The following ARID4B variants were observed in gnomAD, a reference collection of about 807,000 sequenced individuals.
ARID4B encodes AT-rich interactive domain-containing protein 4B.
Under a neutral mutation model 147.5 loss-of-function variants are expected in ARID4B, and 26 were observed. The observed-to-expected ratio is 0.18, with a 90% CI of 0.13 to 0.24. The LOEUF is 0.24. Among genes scored for constraint, ARID4B ranks in the 10% least tolerant of loss-of-function variants. The pLI is 1.00. For synonymous variants in ARID4B, 512 were observed against 507.9 expected, an observed-to-expected ratio of 1.01 and a Z score of -0.11; for missense variants, 1,179 against 1,511.5, an observed-to-expected ratio of 0.78 and a Z score of 3.65.
At position 235,328,060 on chromosome 1, in the gene ARID4B, T is replaced by C; in HGVS notation, c.-341A>G. ...CAGAGGACGGCGGCGATGGACCCTC[T>C]GCAGCTCCCTCCGGGCAAAGGTCCA... On this transcript the variant is annotated 5_prime_UTR_variant, in exon 1 of 24. Coordinates refer to ENST00000264183, the MANE Select transcript of ARID4B (RefSeq NM_016374.6). 6.5e-6 allele frequency: 1 copy of C among 152,938 alleles called. No individual in the cohort carries two copies. The highest frequency in any genetic ancestry group is 1.5e-5 in the Non-Finnish European group (1 of 68,280). 9.5% of individuals were successfully genotyped at this position (152,938 alleles called of 1,614,324 possible). A position where few individuals can be genotyped will look rare whatever the true frequency, so the allele number is the denominator to read the frequency against.
In ARID4B at chr1:235,221,636, T is replaced by C. The variant is rs1277967443; in HGVS notation, c.1092A>G (p.Gln364=). ...CAGGGATTCCAAGATCTTGGTAGAC[T>C]TGTTTCCAAACAGCTCCACTTTCAA... ...DNIESGAVWK[Q]VYQDLGIPVL... The change falls in exon 14 of 24, where the codon CAA becomes CAG. Residue 364 remains glutamine, a synonymous_variant. Coordinates refer to ENST00000264183, the MANE Select transcript of ARID4B (RefSeq NM_016374.6). 3 of 1,610,948 alleles carry C rather than the reference T, an allele frequency of 1.9e-6. No individual in the cohort carries two copies. The highest frequency in any genetic ancestry group is 2.2e-5 in the East Asian group (1 of 44,700).
chr1:235,220,576 G>A, intron 14 of ARID4B, 31 bp from the exon 15 acceptor site: 6 of 1,491,824 alleles, frequency 4.0e-6, no homozygotes, highest in Non-Finnish European at 5.4e-6. Flanking sequence ...TACATTTGGT[G>A]AAAACATTTC....
At chr1:235,267,713 G>C (rs1360274938) in intron 2 of ARID4B, among the ~76,000 whole-genome samples, 2 of 151,900 alleles carry the variant, frequency 1.3e-5, no homozygotes, top group African/African-American at 4.8e-5. Context: ...GTGCCTGTAG[G>C]CTAACAAGGT....
chr1:235,258,097 C>T (rs1278341711), intron 3 of ARID4B, among the ~76,000 whole-genome samples: 6 of 152,022 alleles, frequency 3.9e-5, no homozygotes, highest in Non-Finnish European at 5.9e-5. Flanking sequence ...TTTGGAAGGC[C>T]GAAGCAGGTG....
intron 19 of ARID4B, among the ~76,000 whole-genome samples, chr1:235,183,819 A>G (rs1486790729): frequency 2.0e-5 from 3 of 149,516 alleles, no homozygotes; most frequent in Non-Finnish European, 3.0e-5. Context: ...TTTTTCTGAG[A>G]CAGGGTCTTA....
At chr1:235,295,381 G>A (rs535173227) in intron 2 of ARID4B, among the ~76,000 whole-genome samples, 17 of 151,968 alleles carry the variant, frequency 1.1e-4, no homozygotes, top group Non-Finnish European at 1.5e-4. Flanking sequence ...ATGGTGGCAC[G>A]TGCCTGTAAT....
chr1:235,200,511 C>T (rs1665838247), intron 17 of ARID4B, among the ~76,000 whole-genome samples: 1 of 152,032 alleles, frequency 6.6e-6, no homozygotes, highest in African/African-American at 2.4e-5. Flanking sequence ...CCCCATATTT[C>T]CTACAGACAT....
chr1:235,204,401 A>G (rs1016610940), intron 17 of ARID4B, among the ~76,000 whole-genome samples: 2 of 152,216 alleles, frequency 1.3e-5, no homozygotes, highest in Non-Finnish European at 2.9e-5. Flanking sequence ...ACTTAAATCT[A>G]CATCAGAGAG....
At chr1:235,314,114 G>A (rs532140915) in intron 2 of ARID4B, among the ~76,000 whole-genome samples, 2 of 152,110 alleles carry the variant, frequency 1.3e-5, no homozygotes, top group African/African-American at 2.4e-5. Flanking sequence ...TAAGCATTTC[G>A]TATTTTAGAT....
At chr1:235,313,516 TAG>T (rs1322267684) in intron 2 of ARID4B, among the ~76,000 whole-genome samples, 1 of 152,154 alleles carries the variant, frequency 6.6e-6, no homozygotes, top group Non-Finnish European at 1.5e-5. Context: ...CTGCCCATGC[TAG>T]ATCAGCTTCA....
chr1:235,210,145 C>T (rs1307485490), intron 17 of ARID4B, among the ~76,000 whole-genome samples: 3 of 151,996 alleles, frequency 2.0e-5, no homozygotes, highest in South Asian at 2.1e-4. Flanking sequence ...GAGGATCACT[C>T]GAGCCCAAGA....
At chr1:235,234,125 C>A (rs1031304121) in intron 9 of ARID4B, among the ~76,000 whole-genome samples, 4 of 152,098 alleles carry the variant, frequency 2.6e-5, no homozygotes, top group Non-Finnish European at 5.9e-5. Context: ...TTAGATATGG[C>A]AAATTTGCCT....
intron 2 of ARID4B, among the ~76,000 whole-genome samples, chr1:235,285,324 AAT>A (rs1206382294): frequency 1.3e-5 from 2 of 152,254 alleles, no homozygotes; most frequent in African/African-American, 4.8e-5. Context: ...TTCAGAAGTC[AAT>A]GAGTGTAATT....
chr1:235,252,609 G>C (rs1486254984), intron 6 of ARID4B, 121 bp downstream of exon 6: 1 of 693,632 alleles, frequency 1.4e-6, no homozygotes, highest in Non-Finnish European at 2.4e-6. Context: ...ACATCATAAG[G>C]GTATTGTGTA....
At chr1:235,242,412 A>G (rs1669047436) in intron 7 of ARID4B, among the ~76,000 whole-genome samples, 1 of 152,190 alleles carries the variant, frequency 6.6e-6, no homozygotes, top group African/African-American at 2.4e-5. Flanking sequence ...AGTCCTCACA[A>G]GTCTGATTTC....
In ARID4B at chr1:235,260,623, A is replaced by T; in HGVS notation, c.117+19T>A. On this transcript the variant is annotated intron_variant, in intron 3 of 23. Coordinates refer to ENST00000264183, the MANE Select transcript of ARID4B (RefSeq NM_016374.6). ...TCAAATGCTGAACATACAATTTATG[A>T]AATCTATAAATACTGTACCTTGACT... 1 of 1,506,156 alleles carries T rather than the reference A, an allele frequency of 6.6e-7. No individual in the cohort carries two copies. The allele number at this position is 1,506,156 out of a possible 1,614,324, so 93.3% of individuals were successfully genotyped here.
At chr1:235,299,910 G>A (rs932303824) in intron 2 of ARID4B, among the ~76,000 whole-genome samples, 1 of 152,152 alleles carries the variant, frequency 6.6e-6, no homozygotes, top group African/African-American at 2.4e-5. Flanking sequence ...GTAGCTTCCT[G>A]GGTATCTTTT....
Position 235,281,011 on chromosome 1 carries a change from GA to G in ARID4B, c.7-20260del, listed in dbSNP as rs999380340. ...TTATTTTACATATTAAAAGATAACA[GA>G]AAAAAAAAAGCGGTTTCAAATGTGA... On this transcript the variant is annotated intron_variant, in intron 2 of 23. Coordinates refer to ENST00000264183, the MANE Select transcript of ARID4B (RefSeq NM_016374.6). Among the ~76,000 whole-genome samples, 636 of 147,762 alleles carry G rather than the reference GA, an allele frequency of 4.3e-3. 4 individuals are homozygous for G. The highest frequency in any genetic ancestry group is 0.014 in the African/African-American group (555 of 40,274).
intron 22 of ARID4B, among the ~76,000 whole-genome samples, chr1:235,173,754 AAAAAAAAAAAAAAAAAAATAT>A (rs1214864016): frequency 2.5e-5 from 1 of 40,666 alleles, no homozygotes; most frequent in Non-Finnish European, 4.1e-5. Context: ...AAAAAAAAAA[AAAAAAAAAAAAAAAAAAATAT>A]ATATATATAT....
Sources: gnomAD v4.1 joint callset for allele counts (sites outside exome capture counted in the v4.1 genomes callset) on GRCh38, gnomAD v4.1.1 for gene constraint, MANE v1.5 for transcripts, NCBI Gene and HGNC (gene_info 2026-07-23, HGNC 2026-07-21) for gene names.